Variants in STX8 observed in about 807,000 individuals in gnomAD.
STX8 encodes the protein syntaxin 8.
STX8 carries 23 observed loss-of-function variants against 37.5 expected under a neutral mutation model. The ratio of observed to expected loss-of-function variants is 0.61; its 90% CI spans 0.44 to 0.87. The LOEUF is 0.87. Ranked by LOEUF, STX8 falls within the 40% of genes least tolerant of loss-of-function variation. The pLI is 0.00. For missense variants in STX8, 313 were observed against 284.7 expected, an observed-to-expected ratio of 1.10 and a Z score of -0.71; for synonymous variants, 115 against 99.1, an observed-to-expected ratio of 1.16 and a Z score of -0.95.
intron 5 of STX8, among the ~76,000 whole-genome samples, chr17:9,494,543 G>A (rs1166717962): frequency 7.0e-6 from 1 of 143,574 alleles, no homozygotes; most frequent in Non-Finnish European, 1.5e-5. Context: ...TTGAGCATGG[G>A]AGGCAGAGGT....
intron 7 of STX8, among the ~76,000 whole-genome samples, chr17:9,334,657 G>A (rs2055819287): frequency 6.6e-6 from 1 of 152,148 alleles, no homozygotes; most frequent in Non-Finnish European, 1.5e-5. Flanking sequence ...GCTTAGTTTT[G>A]TTGCTGCTAT....
At chr17:9,420,257 T>C (rs1913374448) in intron 6 of STX8, among the ~76,000 whole-genome samples, 1 of 152,260 alleles carries the variant, frequency 6.6e-6, no homozygotes, top group South Asian at 2.1e-4. Flanking sequence ...TCAGAAATCC[T>C]TGCCCACAGC....
At chr17:9,274,544 T>C (rs1040908415) in intron 7 of STX8, among the ~76,000 whole-genome samples, 24 of 150,604 alleles carry the variant, frequency 1.6e-4, no homozygotes, top group African/African-American at 5.9e-4. Flanking sequence ...GGCGTGTTGG[T>C]GGGCACCTGT....
At chr17:9,267,923 G>A (rs1907287586) in intron 7 of STX8, among the ~76,000 whole-genome samples, 1 of 151,602 alleles carries the variant, frequency 6.6e-6, no homozygotes, top group Admixed American at 6.6e-5. Context: ...CCCGGGAGGC[G>A]GAGGTTGCAG....
intron 7 of STX8, among the ~76,000 whole-genome samples, chr17:9,311,490 T>TA (rs1909186751): frequency 6.6e-6 from 1 of 152,202 alleles, no homozygotes; most frequent in Admixed American, 6.5e-5. Context: ...AGTGAGATAA[T>TA]AATCACATTT....
At chr17:9,319,271 T>C (rs1909486985) in intron 7 of STX8, among the ~76,000 whole-genome samples, 1 of 151,506 alleles carries the variant, frequency 6.6e-6, no homozygotes, top group African/African-American at 2.4e-5. Context: ...TACAAAAAAT[T>C]AGCTGGGTGT....
chr17:9,468,118 G>T (rs1294431143), intron 6 of STX8, among the ~76,000 whole-genome samples: 1 of 151,790 alleles, frequency 6.6e-6, no homozygotes, highest in South Asian at 2.1e-4. Flanking sequence ...TTTGTTTTTG[G>T]TTTTTTTTGA....
chr17:9,478,058 G>A (rs1265084798), intron 6 of STX8, among the ~76,000 whole-genome samples: 1 of 152,174 alleles, frequency 6.6e-6, no homozygotes, highest in African/African-American at 2.4e-5. Flanking sequence ...TCACTCACTG[G>A]TGTAGGTAAG....
intron 7 of STX8, among the ~76,000 whole-genome samples, chr17:9,362,004 A>G (rs1911077433): frequency 1.3e-5 from 2 of 152,214 alleles, no homozygotes; most frequent in Non-Finnish European, 2.9e-5. Flanking sequence ...GAACTTATTC[A>G]AAAAATTTAA....
At chr17:9,571,138 G>A (rs1186643241) in intron 1 of STX8, among the ~76,000 whole-genome samples, 2 of 152,134 alleles carry the variant, frequency 1.3e-5, no homozygotes, top group African/African-American at 4.8e-5. Context: ...CACAGAGAGT[G>A]GCCCTAAAGA....
intron 6 of STX8, among the ~76,000 whole-genome samples, chr17:9,379,170 G>A (rs1448469411): frequency 1.3e-5 from 2 of 151,304 alleles, no homozygotes; most frequent in African/African-American, 4.9e-5. Context: ...GCTTGAACCC[G>A]GGAGGCAGAG....
intron 6 of STX8, among the ~76,000 whole-genome samples, chr17:9,472,592 CT>C (rs1475648224): frequency 6.6e-6 from 1 of 152,210 alleles, no homozygotes; most frequent in African/African-American, 2.4e-5. Context: ...TTGGCTGTTC[CT>C]TTGAGGTTCT....
chr17:9,423,877 G>A (rs921416159), intron 6 of STX8, among the ~76,000 whole-genome samples: 1 of 152,096 alleles, frequency 6.6e-6, no homozygotes, highest in South Asian at 2.1e-4. Flanking sequence ...CTAGTTTTCC[G>A]CTGATTATTA....
chr17:9,486,653 C>T (rs1031462858), intron 6 of STX8, among the ~76,000 whole-genome samples: 6 of 151,920 alleles, frequency 3.9e-5, no homozygotes, highest in Non-Finnish European at 7.4e-5. Flanking sequence ...GAATTCAAGA[C>T]CACTCTGGGC....
intron 6 of STX8, among the ~76,000 whole-genome samples, chr17:9,470,720 C>T (rs1348437283): frequency 6.6e-6 from 1 of 152,052 alleles, no homozygotes; most frequent in Non-Finnish European, 1.5e-5. Flanking sequence ...GCAGGCCTAA[C>T]TGCTTTTTTC....
At chr17:9,531,279 G>A (rs1243550559) in intron 4 of STX8, among the ~76,000 whole-genome samples, 2 of 152,096 alleles carry the variant, frequency 1.3e-5, no homozygotes, top group Admixed American at 1.3e-4. Context: ...CATATAAACA[G>A]TGGCTGTAAT....
chr17:9,356,941 T>G (rs1253884891), intron 7 of STX8, among the ~76,000 whole-genome samples: 3 of 150,176 alleles, frequency 2.0e-5, no homozygotes, highest in African/African-American at 4.9e-5. Context: ...CCCTTTTCAT[T>G]CTCTCCATCC....
At chr17:9,376,986 AG>A (rs369354033) in intron 7 of STX8, among the ~76,000 whole-genome samples, 20 of 152,312 alleles carry the variant, frequency 1.3e-4, no homozygotes, top group African/African-American at 4.8e-4. Context: ...CCAGAAGCAC[AG>A]GGCAGGATGG....
chr17:9,281,413 G>C (rs945520814), intron 7 of STX8, among the ~76,000 whole-genome samples: 4 of 152,274 alleles, frequency 2.6e-5, no homozygotes, highest in Admixed American at 1.3e-4. Context: ...AAGAAAAGCA[G>C]GGCTGGAGAA....
Sources: gnomAD v4.1 joint callset for allele counts (sites outside exome capture counted in the v4.1 genomes callset) on GRCh38, gnomAD v4.1.1 for gene constraint, MANE v1.5 for transcripts, NCBI Gene and HGNC (gene_info 2026-07-23, HGNC 2026-07-21) for gene names.